The following CDH18 variants were observed in gnomAD, a reference collection of about 807,000 sequenced individuals.
CDH18 encodes the protein cadherin 18.
CDH18 carries 31 observed loss-of-function variants against 67.9 expected under a neutral mutation model. The observed-to-expected ratio is 0.46, with a 90% CI of 0.34 to 0.62. The LOEUF (loss-of-function observed/expected upper bound fraction) is 0.62. Ranked by LOEUF, CDH18 falls within the 20% of genes least tolerant of loss-of-function variation. The pLI is 0.01. For missense variants in CDH18, 890 were observed against 975.5 expected (o/e 0.91, Z 1.17); for synonymous variants, 362 against 347.2 (o/e 1.04, Z -0.48).
At chr5:20,196,290 A>AAT (rs2126735133) in intron 2 of CDH18, among the ~76,000 whole-genome samples, 1 of 152,236 alleles carries the variant, frequency 6.6e-6, no homozygotes, top group African/African-American at 2.4e-5. Flanking sequence ...GACTATTTTA[A>AAT]ATATATATAC....
At chr5:20,065,398 T>C (rs1256859992) in intron 2 of CDH18, among the ~76,000 whole-genome samples, 2 of 152,044 alleles carry the variant, frequency 1.3e-5, no homozygotes, top group Non-Finnish European at 2.9e-5. Flanking sequence ...TTTCCCATAA[T>C]ATCCTGAGAA....
At position 19,611,612 on chromosome 5, in the gene CDH18, G is replaced by A. The variant is rs149532300; in HGVS notation, c.811+822C>T. ...GCGCTGATTTGAGAAGAGCCTGTAT[G>A]ACGTACCAAAGGATCTAATTTATGA... On this transcript the variant is annotated intron_variant, in intron 6 of 12. Transcript: ENST00000382275. Among the ~76,000 whole-genome samples, 35 of 152,242 alleles carry A rather than the reference G, an allele frequency of 2.3e-4. No individual in the cohort carries two copies. The East Asian group carries it at 6.4e-3, about 28-fold the overall frequency.
At chr5:19,913,778 G>A (rs751951077) in intron 2 of CDH18, among the ~76,000 whole-genome samples, 1 of 152,074 alleles carries the variant, frequency 6.6e-6, no homozygotes, top group Non-Finnish European at 1.5e-5. Flanking sequence ...ATATTAAAAT[G>A]TTATCTCCTT....
intron 2 of CDH18, among the ~76,000 whole-genome samples, chr5:19,974,077 C>G (rs1798275304): frequency 6.6e-6 from 1 of 151,976 alleles, no homozygotes; most frequent in African/African-American, 2.4e-5. Context: ...ACATAGTGAA[C>G]ATATTTTTAA....
At chr5:20,034,016 T>G (rs919471378) in intron 2 of CDH18, among the ~76,000 whole-genome samples, 12 of 151,920 alleles carry the variant, frequency 7.9e-5, no homozygotes, top group Admixed American at 7.2e-4. Flanking sequence ...TACATAAAAT[T>G]GAAAAGAATG....
chr5:20,264,310 C>A (rs1238001134), intron 1 of CDH18, among the ~76,000 whole-genome samples: 2 of 151,766 alleles, frequency 1.3e-5, no homozygotes, highest in African/African-American at 4.8e-5. Flanking sequence ...GAATCTTAAT[C>A]AAAAAATGCT....
At chr5:19,956,382 C>T (rs992796743) in intron 2 of CDH18, among the ~76,000 whole-genome samples, 1 of 151,928 alleles carries the variant, frequency 6.6e-6, no homozygotes, top group African/African-American at 2.4e-5. Context: ...AAAGATAACA[C>T]TTTGATTACC....
At chr5:19,703,628 G>A (rs1410491493) in intron 5 of CDH18, among the ~76,000 whole-genome samples, 1 of 152,050 alleles carries the variant, frequency 6.6e-6, no homozygotes, top group African/African-American at 2.4e-5. Context: ...TCGAGTGACT[G>A]CTCTCAGTTC....
intron 5 of CDH18, among the ~76,000 whole-genome samples, chr5:19,635,623 A>AAAAT (rs547084329): frequency 1.3e-5 from 2 of 152,130 alleles, no homozygotes; most frequent in Non-Finnish European, 2.9e-5. Context: ...TATTTTGACC[A>AAAAT]AAACAAACAA....
At chr5:19,837,487 A>G (rs1781801035) in intron 3 of CDH18, among the ~76,000 whole-genome samples, 1 of 152,126 alleles carries the variant, frequency 6.6e-6, no homozygotes, top group South Asian at 2.1e-4. Flanking sequence ...CTTTGATGTT[A>G]TTACATTTTT....
intron 5 of CDH18, among the ~76,000 whole-genome samples, chr5:19,638,868 A>G (rs10044550): frequency 0.038 from 5,768 of 151,824 alleles, 316 homozygotes; most frequent in African/African-American, 0.12. Context: ...TTCCTTTTCA[A>G]TAACAAGGGG....
At chr5:20,508,105 A>G (rs1346655647) in intron 1 of CDH18, among the ~76,000 whole-genome samples, 1 of 151,722 alleles carries the variant, frequency 6.6e-6, no homozygotes, top group African/African-American at 2.4e-5. Flanking sequence ...GAGGGACAAA[A>G]TGTATCTTAA....
intron 2 of CDH18, among the ~76,000 whole-genome samples, chr5:19,865,796 T>A (rs570725964): frequency 6.6e-6 from 1 of 152,316 alleles, no homozygotes; most frequent in Non-Finnish European, 1.5e-5. Flanking sequence ...ATTTATTTTC[T>A]CTTGCTGCTA....
At chr5:19,570,193 T>TG (rs1741152513) in intron 8 of CDH18, among the ~76,000 whole-genome samples, 2 of 152,234 alleles carry the variant, frequency 1.3e-5, no homozygotes, top group Non-Finnish European at 2.9e-5. Flanking sequence ...TATGGAATGT[T>TG]GAAGCAAAAC....
chr5:20,123,312 T>C (rs1748525419), intron 2 of CDH18, among the ~76,000 whole-genome samples: 1 of 152,146 alleles, frequency 6.6e-6, no homozygotes, highest in South Asian at 2.1e-4. Context: ...GCTACTGTGC[T>C]CTGAAACGCA....
At chr5:20,291,063 A>C (rs1747068245) in intron 1 of CDH18, among the ~76,000 whole-genome samples, 1 of 152,190 alleles carries the variant, frequency 6.6e-6, no homozygotes, top group African/African-American at 2.4e-5. Flanking sequence ...AATGAAGCAG[A>C]AAATATGGCT....
At chr5:20,123,673 G>A (rs947411608) in intron 2 of CDH18, among the ~76,000 whole-genome samples, 1 of 152,110 alleles carries the variant, frequency 6.6e-6, no homozygotes, top group Non-Finnish European at 1.5e-5. Context: ...GGATCGCGAG[G>A]TCAGGAGATC....
chr5:19,823,043 T>A (rs1418678727), intron 3 of CDH18, among the ~76,000 whole-genome samples: 1 of 152,182 alleles, frequency 6.6e-6, no homozygotes, highest in Non-Finnish European at 1.5e-5. Flanking sequence ...CCCATTTGCT[T>A]TTCAAAGAAG....
intron 9 of CDH18, among the ~76,000 whole-genome samples, chr5:19,522,200 A>G (rs1354694639): frequency 6.6e-6 from 1 of 152,166 alleles, no homozygotes; most frequent in Non-Finnish European, 1.5e-5. Context: ...ACTCAAGAAC[A>G]TATTAAGAAA....
Sources: gnomAD v4.1 joint callset for allele counts (sites outside exome capture counted in the v4.1 genomes callset) on GRCh38, gnomAD v4.1.1 for gene constraint, MANE v1.5 for transcripts, NCBI Gene and HGNC (gene_info 2026-07-23, HGNC 2026-07-21) for gene names.